MDGA2: variants seen among roughly 807,000 people sequenced by gnomAD.
MDGA2 encodes MAM domain containing glycosylphosphatidylinositol anchor 2.
Under a neutral mutation model 117.8 loss-of-function variants are expected in MDGA2, and 40 were observed. That is an observed-to-expected ratio of 0.34 (90% CI 0.26 to 0.44). The LOEUF (loss-of-function observed/expected upper bound fraction) is 0.44. Among genes scored for constraint, MDGA2 ranks in the 20% least tolerant of loss-of-function variants. The probability of loss-of-function intolerance (pLI) is 1.00; values close to 1 mark genes in which losing one functional copy is unlikely to be tolerated. For missense variants in MDGA2, 1,123 were observed against 1,250.6 expected, an observed-to-expected ratio of 0.90 and a Z score of 1.54; for synonymous variants, 452 against 439.0, an observed-to-expected ratio of 1.03 and a Z score of -0.37.
chr14:47,581,819 T>C (rs758549107), intron 1 of MDGA2, among the ~76,000 whole-genome samples: 5 of 151,938 alleles, frequency 3.3e-5, no homozygotes, highest in Non-Finnish European at 4.4e-5. Context: ...AATTTTGTTG[T>C]TAGTTAGCGC....
intron 1 of MDGA2, among the ~76,000 whole-genome samples, chr14:47,670,432 C>G (rs968964482): frequency 6.6e-6 from 1 of 152,070 alleles, no homozygotes; most frequent in African/African-American, 2.4e-5. Context: ...AGTACTTCTT[C>G]TTTTTTTAGC....
intron 1 of MDGA2, among the ~76,000 whole-genome samples, chr14:47,489,320 A>T (rs1292088613): frequency 6.6e-6 from 1 of 152,130 alleles, no homozygotes; most frequent in Non-Finnish European, 1.5e-5. Context: ...TACTGAATTT[A>T]TGATAACTTT....
At chr14:47,042,809 C>T (rs1479007336) in intron 7 of MDGA2, among the ~76,000 whole-genome samples, 1 of 152,158 alleles carries the variant, frequency 6.6e-6, no homozygotes, top group Non-Finnish European at 1.5e-5. Flanking sequence ...CAAGAAAGTA[C>T]ATTCAGTGTA....
At chr14:47,184,029 T>C (rs1884812238) in intron 3 of MDGA2, among the ~76,000 whole-genome samples, 1 of 152,040 alleles carries the variant, frequency 6.6e-6, no homozygotes, top group Non-Finnish European at 1.5e-5. Flanking sequence ...CCATGCAATT[T>C]AGAGGAAAGA....
intron 1 of MDGA2, among the ~76,000 whole-genome samples, chr14:47,358,164 G>A (rs1457471935): frequency 6.6e-6 from 1 of 152,164 alleles, no homozygotes; most frequent in East Asian, 1.9e-4. Flanking sequence ...CACCCAGAGA[G>A]GTGTCTATTC....
At chr14:46,977,172 A>T (rs533467552) in intron 8 of MDGA2, among the ~76,000 whole-genome samples, 32 of 151,950 alleles carry the variant, frequency 2.1e-4, no homozygotes, top group Non-Finnish European at 3.8e-4. Context: ...TCAAGCTCCA[A>T]GATTAAAAAT....
intron 1 of MDGA2, among the ~76,000 whole-genome samples, chr14:47,324,196 G>A (rs1207754038): frequency 6.6e-6 from 1 of 152,050 alleles, no homozygotes; most frequent in East Asian, 1.9e-4. Flanking sequence ...AGTGAGCTGA[G>A]ATCACACCAT....
At chr14:46,976,577 A>G (rs562949243) in intron 8 of MDGA2, among the ~76,000 whole-genome samples, 1 of 152,002 alleles carries the variant, frequency 6.6e-6, no homozygotes, top group East Asian at 1.9e-4. Flanking sequence ...CAATCTATGA[A>G]TAATTCTTTG....
intron 1 of MDGA2, among the ~76,000 whole-genome samples, chr14:47,367,274 T>C (rs548316700): frequency 3.3e-5 from 5 of 152,326 alleles, no homozygotes; most frequent in African/African-American, 1.2e-4. Context: ...TGATAAGTTT[T>C]TGGAATTTTC....
At chr14:47,021,725 C>T (rs1448199142) in intron 8 of MDGA2, among the ~76,000 whole-genome samples, 1 of 152,080 alleles carries the variant, frequency 6.6e-6, no homozygotes, top group Non-Finnish European at 1.5e-5. Context: ...GTAATAACTT[C>T]CATACTCGAA....
In MDGA2 at chr14:47,342,435, G is replaced by A. The variant is rs561563422; in HGVS notation, c.281-40885C>T. On this transcript the variant is annotated intron_variant, in intron 1 of 16. Coordinates refer to ENST00000399232, the MANE Select transcript of MDGA2 (RefSeq NM_001113498.3). The stretch of plus-strand genomic sequence containing the variant: ...AAACAGAGGTTCATAGCTAGTGAAT[G>A]GTGGAACTGAGATTCAAACGTTAGT... 2.0e-5 allele frequency among the ~76,000 whole-genome samples: 3 copies of A among 151,862 alleles called. No homozygotes were observed. The East Asian group carries it at 5.8e-4, about 29-fold the overall frequency.
At chr14:47,540,518 A>ATG (rs1374889978) in intron 1 of MDGA2, among the ~76,000 whole-genome samples, 1 of 61,182 alleles carries the variant, frequency 1.6e-5, no homozygotes, top group Admixed American at 2.1e-4. Context: ...ATGTATATGT[A>ATG]TATGTGTGTG....
intron 1 of MDGA2, among the ~76,000 whole-genome samples, chr14:47,478,828 T>C (rs777266207): frequency 6.6e-6 from 1 of 152,186 alleles, no homozygotes; most frequent in African/African-American, 2.4e-5. Context: ...TCACGCTAAA[T>C]AGATGAGTGA....
intron 1 of MDGA2, among the ~76,000 whole-genome samples, chr14:47,437,954 C>G (rs1045940944): frequency 2.6e-5 from 4 of 152,102 alleles, no homozygotes; most frequent in African/African-American, 9.7e-5. Flanking sequence ...GGTATCTTTC[C>G]TCATGAAGCA....
rs1223177223 is a variant in MDGA2, at chr14:47,441,182, AG to A, written c.281-139633del. On this transcript the variant is annotated intron_variant, in intron 1 of 16. Transcript: ENST00000399232. ...AAAGCTCTTGATGAGATCCTTTAAT[AG>A]GCAAGATTTGATCAAGCAGAGTCAA... is the stretch of plus-strand genomic sequence containing the variant. Among the ~76,000 whole-genome samples, 3 of 152,148 alleles carry A rather than the reference AG, an allele frequency of 2.0e-5. No individual in the cohort carries two copies. In the East Asian group the frequency reaches 5.8e-4, roughly 29 times the overall value.
At chr14:47,208,359 A>G (rs1018335919) in intron 3 of MDGA2, among the ~76,000 whole-genome samples, 3 of 152,056 alleles carry the variant, frequency 2.0e-5, no homozygotes, top group African/African-American at 7.2e-5. Context: ...TAAATAATTA[A>G]GTAAGCAATA....
intron 1 of MDGA2, among the ~76,000 whole-genome samples, chr14:47,671,599 G>T (rs981695415): frequency 6.6e-6 from 1 of 152,162 alleles, no homozygotes; most frequent in Admixed American, 6.5e-5. Context: ...ACACTATTGA[G>T]AAATATTACT....
At chr14:47,065,106 C>G (rs994667516) in intron 6 of MDGA2, among the ~76,000 whole-genome samples, 3 of 152,066 alleles carry the variant, frequency 2.0e-5, no homozygotes, top group African/African-American at 7.2e-5. Flanking sequence ...TTAAAAGGTA[C>G]TTGTTTAGTC....
rs75372024 is a variant in MDGA2 at position 47,667,341 on chromosome 14, C to T, written c.280+7176G>A. ...CTCAGTTACACTCAGGAGTAAAAGACGGAATGCTCCAATGATCAATCTGTA... is the reference window on the plus strand; with the variant it reads ...CTCAGTTACACTCAGGAGTAAAAGATGGAATGCTCCAATGATCAATCTGTA... On this transcript the variant is annotated intron_variant, in intron 1 of 16. Coordinates refer to ENST00000399232, the MANE Select transcript of MDGA2 (RefSeq NM_001113498.3). Among the ~76,000 whole-genome samples the T allele has an allele frequency of 3.7e-4, 56 of 152,292 alleles. No homozygotes were observed. The East Asian group carries it at 9.7e-3, about 26-fold the overall frequency.
Sources: gnomAD v4.1 joint callset for allele counts (sites outside exome capture counted in the v4.1 genomes callset) on GRCh38, gnomAD v4.1.1 for gene constraint, MANE v1.5 for transcripts, NCBI Gene and HGNC (gene_info 2026-07-23, HGNC 2026-07-21) for gene names.